Variants in PRKAR1A observed in about 807,000 individuals in gnomAD.
The protein encoded by PRKAR1A is cAMP-dependent protein kinase type I-alpha regulatory subunit.
Under a neutral mutation model 52.0 loss-of-function variants are expected in PRKAR1A, and 3 were observed. The ratio of observed to expected loss-of-function variants is 0.06; its 90% CI spans 0.03 to 0.15. PRKAR1A has a LOEUF of 0.15. PRKAR1A is among the 10% of genes least tolerant of loss of function. The pLI, the probability that PRKAR1A is intolerant of heterozygous loss-of-function variation, is 1.00. For missense variants in PRKAR1A, 240 were observed against 477.4 expected (o/e 0.50, Z 4.63); for synonymous variants, 188 against 168.4 (o/e 1.12, Z -0.90).
upstream of PRKAR1A, among the ~76,000 whole-genome samples, chr17:68,508,884 G>A (rs371034249): frequency 2.6e-5 from 4 of 151,954 alleles, no homozygotes; most frequent in Non-Finnish European, 4.4e-5. Context: ...TTTGGCATTC[G>A]GGTGTTTGCT....
chr17:68,510,161 G>GAC (rs775352605), upstream of PRKAR1A, among the ~76,000 whole-genome samples: 1 of 108,570 alleles, frequency 9.2e-6, no homozygotes, highest in East Asian at 2.5e-4. Flanking sequence ...TATGTAGACA[G>GAC]AGAGAGAGAG....
At chr17:68,485,236 G>A in the PRKAR1A span, among the ~76,000 whole-genome samples, 6 of 152,144 alleles carry the variant, frequency 3.9e-5, no homozygotes, top group Non-Finnish European at 7.3e-5. Context: ...ATGGAGAGTG[G>A]GAAACAAAGA....
chr17:68,462,534 C>T, the PRKAR1A span, among the ~76,000 whole-genome samples: 1 of 152,190 alleles, frequency 6.6e-6, no homozygotes, highest in African/African-American at 2.4e-5. Flanking sequence ...CGTCATAGAT[C>T]TTCTCATGTG....
intron 11 of PRKAR1A, among the ~76,000 whole-genome samples, chr17:68,547,661 A>C (rs2086632569): frequency 1.3e-5 from 2 of 152,212 alleles, no homozygotes; most frequent in Admixed American, 6.5e-5. Flanking sequence ...GCCTTCATTG[A>C]GGAGAGTTAG....
the PRKAR1A span, chr17:68,457,347 G>A: frequency 1.3e-6 from 2 of 1,545,162 alleles, no homozygotes; most frequent in Non-Finnish European, 1.7e-6. Flanking sequence ...CTTACGTGCA[G>A]TCCTGGTTGA....
intron 11 of PRKAR1A, among the ~76,000 whole-genome samples, chr17:68,550,271 T>C (rs1225024862): frequency 6.6e-6 from 1 of 151,636 alleles, no homozygotes; most frequent in Non-Finnish European, 1.5e-5. Context: ...AATATAAATA[T>C]AAGCAGACAT....
At chr17:68,541,290 C>G (rs188029421) in intron 11 of PRKAR1A, 4 of 361,080 alleles carry the variant, frequency 1.1e-5, no homozygotes, top group African/African-American at 4.2e-5. Flanking sequence ...TCTCACCAAG[C>G]CTCTTGGACC....
At chr17:68,526,015 A>C in intron 7 of PRKAR1A, 103 bp downstream of exon 7, 1 of 1,395,832 alleles carries the variant, frequency 7.2e-7, no homozygotes, top group Non-Finnish European at 9.8e-7. Flanking sequence ...TTTAATGAGC[A>C]AATATTTCTT....
chr17:68,546,849 A>T (rs1015545611), intron 11 of PRKAR1A, among the ~76,000 whole-genome samples: 2 of 145,528 alleles, frequency 1.4e-5, no homozygotes, highest in Admixed American at 1.4e-4. Flanking sequence ...AAAAAAAAAA[A>T]GGTAAGACTT....
chr17:68,543,656 G>A, intron 11 of PRKAR1A: 2 of 1,614,120 alleles, frequency 1.2e-6, no homozygotes, highest in South Asian at 1.1e-5. Context: ...TGCGATCTCA[G>A]CATTGTGTCT....
chr17:68,468,338 T>C, the PRKAR1A span, among the ~76,000 whole-genome samples: 1 of 152,132 alleles, frequency 6.6e-6, no homozygotes, highest in Non-Finnish European at 1.5e-5. Flanking sequence ...GGGGAAGATG[T>C]AGTAGCTGAA....
At chr17:68,457,338 T>C in the PRKAR1A span, 1 of 1,546,108 alleles carries the variant, frequency 6.5e-7, no homozygotes, top group Non-Finnish European at 8.7e-7. Context: ...GAGTCGCAGC[T>C]TACGTGCAGT....
At chr17:68,458,947 T>C in the PRKAR1A span, among the ~76,000 whole-genome samples, 1 of 152,204 alleles carries the variant, frequency 6.6e-6, no homozygotes, top group African/African-American at 2.4e-5. Flanking sequence ...TGTGTATATA[T>C]ATATATATTT....
chr17:68,528,785 T>G, intron 8 of PRKAR1A, 85 bp from the exon 9 acceptor site: 1 of 1,545,418 alleles, frequency 6.5e-7, no homozygotes, highest in Non-Finnish European at 8.9e-7. Context: ...GCATGGCTAT[T>G]TGGTTGAATC....
intron 11 of PRKAR1A, among the ~76,000 whole-genome samples, chr17:68,538,586 C>T (rs2086163804): frequency 6.6e-6 from 1 of 152,214 alleles, no homozygotes; most frequent in Non-Finnish European, 1.5e-5. Context: ...GGTGGCCAAG[C>T]AAGGGCCTTC....
At chr17:68,489,339 G>GTA in the PRKAR1A span, among the ~76,000 whole-genome samples, 70 of 22,026 alleles carry the variant, frequency 3.2e-3, 3 homozygotes, top group Middle Eastern at 0.029. Flanking sequence ...TATATGGAAA[G>GTA]TATATATATA....
chr17:68,546,037 C>T (rs560225923), intron 11 of PRKAR1A, among the ~76,000 whole-genome samples: 15 of 151,202 alleles, frequency 9.9e-5, no homozygotes, highest in South Asian at 8.3e-4. Flanking sequence ...GGCATGGTGG[C>T]GCATGCCTGT....
chr17:68,449,625 G>C, the PRKAR1A span, among the ~76,000 whole-genome samples: 1 of 152,154 alleles, frequency 6.6e-6, no homozygotes, highest in Admixed American at 6.6e-5. Context: ...CCCCCCACCC[G>C]TCTCTTGGTC....
At chr17:68,421,503 T>C in the PRKAR1A span, 3,376 of 472,060 alleles carry the variant, frequency 7.2e-3, 98 homozygotes, top group African/African-American at 0.06. Flanking sequence ...TCCGGTTATA[T>C]ACCAATATGG....
Sources: allele counts gnomAD v4.1 joint callset (sites outside exome capture counted in the v4.1 genomes callset), GRCh38; gene constraint gnomAD v4.1.1; transcripts MANE v1.5; gene names NCBI Gene and HGNC (gene_info 2026-07-23, HGNC 2026-07-21).